Variants in OPHN1 observed in about 807,000 individuals in gnomAD.
OPHN1 encodes oligophrenin 1, also known as oligophrenin-1.
A neutral mutation model predicts 60.7 loss-of-function variants in OPHN1; 11 were observed. The ratio of observed to expected loss-of-function variants is 0.18; its 90% CI spans 0.11 to 0.30. The LOEUF is 0.30. Among genes scored for constraint, OPHN1 ranks in the 10% least tolerant of loss-of-function variants. The probability of loss-of-function intolerance (pLI) is 1.00; values close to 1 mark genes in which losing one functional copy is unlikely to be tolerated. For synonymous variants in OPHN1, 226 were observed against 222.6 expected (o/e 1.02, Z -0.14); for missense variants, 449 against 611.0 (o/e 0.73, Z 2.80).
At chrX:68,056,795 T>C (rs1316715717) in intron 21 of OPHN1, among the ~76,000 whole-genome samples, 1 of 111,730 alleles carries the variant, frequency 9.0e-6, no homozygotes, top group Non-Finnish European at 1.9e-5. Context: ...ATAGGTTAAA[T>C]GGTAGAGTGA....
rs184028027 is a variant in OPHN1 at position 68,217,220 on chromosome X, C to T, written c.487-3248G>A. ...CCACCCGAATACTGCGCTTTTCCGA[C>T]GGGCTTAAAAAACGGAGCACCACGA... On this transcript the variant is annotated intron_variant, in intron 6 of 24. Transcript: ENST00000355520. Among the ~76,000 whole-genome samples, 46 of 111,830 alleles carry T rather than the reference C, an allele frequency of 4.1e-4. No individual in the cohort carries two copies. In the East Asian group the frequency reaches 7.5e-3, roughly 18 times the overall value.
chrX:68,079,156 C>T (rs1214863403), intron 19 of OPHN1, among the ~76,000 whole-genome samples: 1 of 111,025 alleles, frequency 9.0e-6, no homozygotes, highest in African/African-American at 3.3e-5. Flanking sequence ...CATCTCATCT[C>T]TTCCTGTTTC....
At chrX:68,199,363 T>C (rs926763696) in intron 11 of OPHN1, among the ~76,000 whole-genome samples, 1 of 111,161 alleles carries the variant, frequency 9.0e-6, no homozygotes. Flanking sequence ...TAGCCAGATA[T>C]GGTGGTGCAC....
chrX:68,267,935 A>C (rs1195289927), intron 5 of OPHN1, among the ~76,000 whole-genome samples: 2 of 112,247 alleles, frequency 1.8e-5, no homozygotes, highest in Non-Finnish European at 1.9e-5. Context: ...AAAATCTAGA[A>C]GAAATGGATA....
intron 19 of OPHN1, among the ~76,000 whole-genome samples, chrX:68,091,115 T>C (rs1179358785): frequency 9.0e-6 from 1 of 111,469 alleles, no homozygotes. Flanking sequence ...CTTAACCTGA[T>C]AGACCTAAAC....
chrX:68,422,725 AAGGAAGGAAGG>A (rs2078834278), intron 2 of OPHN1, among the ~76,000 whole-genome samples: 2 of 72,165 alleles, frequency 2.8e-5, no homozygotes, highest in South Asian at 8.7e-4. Flanking sequence ...GAAAGAAAGG[AAGGAAGGAAGG>A]AAGGAAGGAA....
Position 68,237,725 on chromosome X carries a change from A to G in OPHN1, c.385-3137T>C, listed in dbSNP as rs1388862468. Among the ~76,000 whole-genome samples the G allele has an allele frequency of 2.7e-5, 3 of 111,844 alleles. No individual in the cohort carries two copies. The Admixed American group carries it at 2.9e-4, about 11-fold the overall frequency. ...TTTATATACTGATCTTGTATCCTAC[A>G]CAATGTTGTTGAACTCCTTCATTAG... On this transcript the variant is annotated intron_variant, in intron 5 of 24. Coordinates refer to ENST00000355520, the MANE Select transcript of OPHN1 (RefSeq NM_002547.3).
intron 2 of OPHN1, among the ~76,000 whole-genome samples, chrX:68,427,073 G>A (rs1281646904): frequency 1.3e-5 from 1 of 78,358 alleles, no homozygotes; most frequent in Non-Finnish European, 2.4e-5. Flanking sequence ...ACAGCATGGT[G>A]AAACCCCATC....
chrX:68,056,202 C>T lies in OPHN1; in HGVS notation c.2159-2392G>A, dbSNP rs138378380. Among the ~76,000 whole-genome samples the T allele has an allele frequency of 1.1e-3, 118 of 111,138 alleles. 1 individual carries two copies. Among genetic ancestry groups the T allele is most frequent in the African/African-American group, 3.8e-3 (116 of 30,577 alleles). ...CTAGTATACAGCAGAGGTAAGTAAG[C>T]GTCAGACTCTGTCCTGCTTCTTGCC... is the stretch of plus-strand genomic sequence containing the variant. On this transcript the variant is annotated intron_variant, in intron 21 of 24. Transcript: ENST00000355520.
At chrX:68,293,301 T>C (rs1021880100) in intron 3 of OPHN1, among the ~76,000 whole-genome samples, 3 of 111,713 alleles carry the variant, frequency 2.7e-5, no homozygotes, top group Non-Finnish European at 5.6e-5. Context: ...AACCAAGAGG[T>C]TTATGATCTG....
chrX:68,128,897 C>T (rs1313326354), intron 15 of OPHN1, among the ~76,000 whole-genome samples: 2 of 111,337 alleles, frequency 1.8e-5, no homozygotes, highest in Admixed American at 1.9e-4. Flanking sequence ...ATAAGACCAT[C>T]GTATAAATGT....
chrX:68,111,062 A>C (rs2077101740), intron 18 of OPHN1, among the ~76,000 whole-genome samples: 1 of 112,247 alleles, frequency 8.9e-6, no homozygotes, highest in Non-Finnish European at 1.9e-5. Flanking sequence ...GAGTATGCAG[A>C]CAACTGCACT....
chrX:68,225,015 T>G (rs1200872200), intron 6 of OPHN1, among the ~76,000 whole-genome samples: 1 of 111,904 alleles, frequency 8.9e-6, no homozygotes, highest in South Asian at 3.7e-4. Flanking sequence ...ATCGGGACAC[T>G]CCCACCCTAA....
At chrX:68,387,852 A>G (rs954231764) in intron 2 of OPHN1, among the ~76,000 whole-genome samples, 2 of 111,319 alleles carry the variant, frequency 1.8e-5, no homozygotes, top group Non-Finnish European at 3.8e-5. Context: ...AGGCACTGCA[A>G]GTAAGAAGAG....
At chrX:68,083,054 CTTTTTTTTTTTTTTTTT>C (rs869083899) in intron 19 of OPHN1, among the ~76,000 whole-genome samples, 4 of 37,450 alleles carry the variant, frequency 1.1e-4, no homozygotes, top group African/African-American at 4.6e-4. Context: ...CTGCTAGTTT[CTTTTTTTTTTTTTTTTT>C]TTTTTTTTTT....
intron 15 of OPHN1, among the ~76,000 whole-genome samples, chrX:68,167,125 C>G (rs981752163): frequency 5.4e-5 from 6 of 111,697 alleles, no homozygotes; most frequent in African/African-American, 2.0e-4. Context: ...TATCTGCAAA[C>G]TATGCATTTG....
rs761948207 is a variant in OPHN1, at chrX:68,043,348, G to A, written c.*3824C>T. On this transcript the variant is annotated 3_prime_UTR_variant, in exon 25 of 25. Coordinates refer to ENST00000355520, the MANE Select transcript of OPHN1 (RefSeq NM_002547.3). The stretch of plus-strand genomic sequence containing the variant: ...TAACTAACCTGCACAATGTGCACAT[G>A]TACCCTAAAACTTAGAGTATAATAA... 2.4e-5 allele frequency: 2 copies of A among 85,046 alleles called. No homozygotes were observed. The highest frequency in any genetic ancestry group is 1.4e-3 in the South Asian group (2 of 1,439). The allele number at this position is 85,046 out of a possible 1,213,427, so 7.0% of individuals were successfully genotyped here. A position where few individuals can be genotyped will look rare whatever the true frequency, so the allele number is the denominator to read the frequency against.
At chrX:68,086,035 C>T (rs187513837) in intron 19 of OPHN1, among the ~76,000 whole-genome samples, 2 of 109,566 alleles carry the variant, frequency 1.8e-5, no homozygotes, top group African/African-American at 3.3e-5. Flanking sequence ...AAAAATTAGC[C>T]GGGAGTGGTG....
At chrX:68,378,209 T>G (rs1233004462) in intron 2 of OPHN1, among the ~76,000 whole-genome samples, 113 of 112,595 alleles carry the variant, frequency 1.0e-3, no homozygotes, top group African/African-American at 3.3e-3. Flanking sequence ...TCATGTGTCT[T>G]TTGGCTGCAT....
Sources: gnomAD v4.1 joint callset for allele counts (sites outside exome capture counted in the v4.1 genomes callset) on GRCh38, gnomAD v4.1.1 for gene constraint, MANE v1.5 for transcripts, NCBI Gene and HGNC (gene_info 2026-07-23, HGNC 2026-07-21) for gene names.